CFHR2: variants seen among roughly 807,000 people sequenced by gnomAD.
The protein encoded by CFHR2 is complement factor H-related protein 2.
A neutral mutation model predicts 21.7 loss-of-function variants in CFHR2; 22 were observed. The observed-to-expected ratio is 1.01, with a 90% CI of 0.72 to 1.45. The LOEUF (loss-of-function observed/expected upper bound fraction) is 1.45, where lower values mean the gene tolerates loss of function less well. CFHR2 is among the 40% of genes most tolerant of loss of function. CFHR2 has a pLI of 0.00. For synonymous variants in CFHR2, 98 were observed against 97.4 expected (o/e 1.01, Z -0.04); for missense variants, 294 against 293.3 (o/e 1.00, Z -0.02).
chr1:196,946,605 T>G (rs1363704867), intron 1 of CFHR2, among the ~76,000 whole-genome samples: 1 of 152,190 alleles, frequency 6.6e-6, no homozygotes, highest in South Asian at 2.1e-4. Context: ...CATATTAACC[T>G]CAGCCTACAA....
At chr1:196,945,878 T>G (rs1659460821) in intron 1 of CFHR2, among the ~76,000 whole-genome samples, 1 of 151,668 alleles carries the variant, frequency 6.6e-6, no homozygotes. Flanking sequence ...TTCCTTCTTA[T>G]TCAAACATTA....
chr1:196,945,777 AGTGTGT>A (rs201838824), intron 1 of CFHR2, among the ~76,000 whole-genome samples: 14 of 142,924 alleles, frequency 9.8e-5, no homozygotes, highest in Admixed American at 3.5e-4. Flanking sequence ...ACTGTGAGTG[AGTGTGT>A]GTGTGTGTGT....
rs767954749 is a variant in CFHR2 at position 196,949,512 on chromosome 1, A to G, written c.116A>G (p.Tyr39Cys). Reference sequence around the variant, plus strand: ...GGAATTCTATATGATGAAGAAAAATATAAGCCATTTTCCCAAGTTCCTACA... The same window carrying G: ...GGAATTCTATATGATGAAGAAAAATGTAAGCCATTTTCCCAAGTTCCTACA... The part of the protein sequence containing the change: ...NHGILYDEEK[Y>C]KPFSQVPTGE... The change falls in exon 2 of 5, where the codon TAT becomes TGT. Residue 39 changes from tyrosine (Y) to cysteine (C), a missense_variant. By Grantham distance (194) the Tyr-to-Cys change is radical (BLOSUM62 -2). Coordinates refer to ENST00000367415, the MANE Select transcript of CFHR2 (RefSeq NM_005666.4). 6.2e-7 allele frequency: 1 copy of G among 1,613,978 alleles called. No individual in the cohort carries two copies. The highest frequency in any genetic ancestry group is 1.3e-5 in the African/African-American group (1 of 75,062).
In CFHR2 at chr1:196,951,169, T is replaced by A. The variant is rs3790414; in HGVS notation, c.430+141T>A. Reference sequence around the variant, plus strand: ...TTATTCATTTGATTCTCAGTTCCAATTGTGTCTAAGTGGATGTGCAATAAT... The same window carrying A: ...TTATTCATTTGATTCTCAGTTCCAAATGTGTCTAAGTGGATGTGCAATAAT... On this transcript the variant is annotated intron_variant, in intron 3 of 4. Transcript: ENST00000367415. 0.25 allele frequency: 262,410 copies of A among 1,059,830 alleles called. 39,375 individuals carry two copies. Among genetic ancestry groups the A allele is most frequent in the East Asian group, 0.7 (26,573 of 37,984 alleles). The allele number at this position is 1,059,830 out of a possible 1,614,324, so 65.7% of individuals were successfully genotyped here. A position where few individuals can be genotyped will look rare whatever the true frequency, so the allele number is the denominator to read the frequency against.
intron 1 of CFHR2, among the ~76,000 whole-genome samples, chr1:196,946,276 G>T (rs191076788): frequency 0.016 from 2,467 of 152,284 alleles, 42 homozygotes; most frequent in Non-Finnish European, 0.023. Context: ...TACTTCAATA[G>T]TTTTGGGGGA....
Position 196,951,008 on chromosome 1 carries a change from C to G in CFHR2, c.410C>G (p.Pro137Arg). 6.2e-7 allele frequency: 1 copy of G among 1,613,618 alleles called. No individual in the cohort carries two copies. Among genetic ancestry groups the G allele is most frequent in the Non-Finnish European group, 8.5e-7 (1 of 1,179,874 alleles). ...TGTGTAGAACGGGGCTGGTCCACTCCTCCCAAATGCAGGTCCACTAGTAAG... is the reference window on the plus strand; with the variant it reads ...TGTGTAGAACGGGGCTGGTCCACTCGTCCCAAATGCAGGTCCACTAGTAAG... Reference protein sequence around the residue: ...ISCVERGWSTPPKCRSTISAE... With the variant: ...ISCVERGWSTRPKCRSTISAE... Residue 137 changes from proline (P) to arginine (R), a missense_variant, in exon 3 of 5, where the codon CCT becomes CGT. Transcript: ENST00000367415.
At chr1:196,951,693 C>T (rs1000728595) in intron 3 of CFHR2, among the ~76,000 whole-genome samples, 6 of 152,030 alleles carry the variant, frequency 3.9e-5, no homozygotes, top group East Asian at 1.9e-4. Context: ...AAAAGGAGCC[C>T]GATGGAAACT....
In CFHR2 at chr1:196,945,925, A is replaced by T. The variant is rs573841752; in HGVS notation, c.58+1987A>T. On this transcript the variant is annotated intron_variant, in intron 1 of 4. Coordinates refer to ENST00000367415, the MANE Select transcript of CFHR2 (RefSeq NM_005666.4). Reference sequence around the variant, plus strand: ...TACACAAACCTAGGTTTTATAGCCTACTAGGTAACTAGGCCATATGGTATA... The same window carrying T: ...TACACAAACCTAGGTTTTATAGCCTTCTAGGTAACTAGGCCATATGGTATA... 1.4e-3 allele frequency among the ~76,000 whole-genome samples: 206 copies of T among 151,564 alleles called. 1 individual carries two copies. The highest frequency in any genetic ancestry group is 4.8e-3 in the African/African-American group (198 of 41,108).
intron 3 of CFHR2, among the ~76,000 whole-genome samples, 197 bp from the exon 4 acceptor site, chr1:196,957,694 T>C (rs375171016): frequency 1.5e-3 from 226 of 152,298 alleles, no homozygotes; most frequent in Middle Eastern, 3.4e-3. Flanking sequence ...GTTAATGCTG[T>C]ATGTGTTCAT....
intron 4 of CFHR2, among the ~76,000 whole-genome samples, chr1:196,958,461 C>G (rs930807168): frequency 6.6e-6 from 1 of 151,628 alleles, no homozygotes; most frequent in Admixed American, 6.6e-5. Flanking sequence ...AATCTGCTCT[C>G]TTTTCAAATT....
chr1:196,957,749 G>C, intron 3 of CFHR2, 142 bp from the exon 4 acceptor site: 3 of 716,520 alleles, frequency 4.2e-6, no homozygotes, highest in South Asian at 4.2e-5. Flanking sequence ...CAGTTTGTAG[G>C]ATAAATTTTA....
chr1:196,955,296 C>T (rs1395149521), intron 3 of CFHR2, among the ~76,000 whole-genome samples: 3 of 152,134 alleles, frequency 2.0e-5, no homozygotes, highest in African/African-American at 4.8e-5. Flanking sequence ...CCGCTTCAGC[C>T]TGGACTTCAT....
At chr1:196,949,805 G>A (rs534214142) in intron 2 of CFHR2, among the ~76,000 whole-genome samples, 156 bp downstream of exon 2, 2 of 152,320 alleles carry the variant, frequency 1.3e-5, no homozygotes, top group African/African-American at 4.8e-5. Context: ...TGGCTCCTAT[G>A]AGAATCAATG....
chr1:196,944,571 C>T (rs953420234), intron 1 of CFHR2, among the ~76,000 whole-genome samples: 1 of 151,792 alleles, frequency 6.6e-6, no homozygotes, highest in African/African-American at 2.4e-5. Context: ...TAAATGGTCC[C>T]ATTTTATTTC....
intron 4 of CFHR2, 102 bp downstream of exon 4, chr1:196,958,175 T>C: frequency 8.3e-7 from 1 of 1,206,214 alleles, no homozygotes; most frequent in South Asian, 1.5e-5. Flanking sequence ...AAACAAGCAT[T>C]CTGCTGAATG....
At chr1:196,955,424 C>T (rs1041092192) in intron 3 of CFHR2, among the ~76,000 whole-genome samples, 18 of 152,288 alleles carry the variant, frequency 1.2e-4, no homozygotes, top group African/African-American at 4.1e-4. Context: ...CAACCTCTGC[C>T]TGTTACCCAG....
In CFHR2 at chr1:196,950,880, T is replaced by C. The variant is rs1477321798; in HGVS notation, c.282T>C (p.Asn94=). The C allele has an allele frequency of 8.1e-6, 13 of 1,613,642 alleles. No homozygotes were observed. Among genetic ancestry groups the C allele is most frequent in the East Asian group, 2.2e-5 (1 of 44,884 alleles). Residue 94 remains asparagine (N), a synonymous_variant, in exon 3 of 5, where the codon AAT becomes AAC. Transcript: ENST00000367415. ...TGTGTTTCTTTCCTTTTGTGGAAAA[T>C]GGTCATTCTGAATCTTCAGGACAAA... ...LRLCFFPFVE[N]GHSESSGQTH...
intron 3 of CFHR2, among the ~76,000 whole-genome samples, chr1:196,956,443 T>A (rs899616695): frequency 1.2e-4 from 18 of 152,346 alleles, no homozygotes; most frequent in African/African-American, 4.3e-4. Context: ...CAGTCATTTT[T>A]TTGTTTTCAG....
At chr1:196,951,864 T>C (rs1438460603) in intron 3 of CFHR2, among the ~76,000 whole-genome samples, 3 of 152,172 alleles carry the variant, frequency 2.0e-5, no homozygotes, top group African/African-American at 7.2e-5. Context: ...AAAAGGCCTG[T>C]CAGCAAACAG....
Sources: allele counts gnomAD v4.1 joint callset (sites outside exome capture counted in the v4.1 genomes callset), GRCh38; gene constraint gnomAD v4.1.1; transcripts MANE v1.5; gene names NCBI Gene and HGNC (gene_info 2026-07-23, HGNC 2026-07-21).